Variants in SYT1 observed in about 807,000 individuals in gnomAD.
SYT1 encodes the protein synaptotagmin 1, also known as synaptotagmin-1.
Under a neutral mutation model 44.8 loss-of-function variants are expected in SYT1, and 8 were observed. The observed-to-expected ratio is 0.18, with a 90% CI of 0.10 to 0.32. The LOEUF is 0.32. Ranked by LOEUF, SYT1 falls within the 10% of genes least tolerant of loss-of-function variation. The probability of loss-of-function intolerance (pLI) is 1.00; values close to 1 mark genes in which losing one functional copy is unlikely to be tolerated. For synonymous variants in SYT1, 154 were observed against 188.8 expected, an observed-to-expected ratio of 0.82 and a Z score of 1.51; for missense variants, 286 against 509.3, an observed-to-expected ratio of 0.56 and a Z score of 4.22.
At chr12:78,977,035 A>G (rs1868890187) in intron 1 of SYT1, among the ~76,000 whole-genome samples, 1 of 152,136 alleles carries the variant, frequency 6.6e-6, no homozygotes, top group Admixed American at 6.5e-5. Flanking sequence ...AAGTAGATGA[A>G]TGCAATAGGG....
chr12:79,154,440 A>G (rs1474856257), intron 3 of SYT1, among the ~76,000 whole-genome samples: 2 of 151,168 alleles, frequency 1.3e-5, no homozygotes, highest in East Asian at 3.9e-4. Context: ...GATCTGAGGG[A>G]CAGAGAAGTT....
chr12:78,893,016 C>T (rs537862478), intron 1 of SYT1, among the ~76,000 whole-genome samples: 1 of 151,950 alleles, frequency 6.6e-6, no homozygotes, highest in East Asian at 1.9e-4. Context: ...AGTTGATCTA[C>T]TGCTGGCCTT....
At chr12:79,125,477 T>TTC (rs1355206917) in intron 3 of SYT1, among the ~76,000 whole-genome samples, 1 of 143,764 alleles carries the variant, frequency 7.0e-6, no homozygotes, top group African/African-American at 2.6e-5. Flanking sequence ...ATTAGCTGTG[T>TTC]GTAGAGGCTC....
intron 2 of SYT1, among the ~76,000 whole-genome samples, chr12:79,045,342 G>T (rs910875662): frequency 1.3e-5 from 2 of 152,138 alleles, no homozygotes; most frequent in East Asian, 1.9e-4. Context: ...TTTTTAAGCC[G>T]GTCGGAAAAG....
intron 3 of SYT1, among the ~76,000 whole-genome samples, chr12:79,129,447 A>G (rs1868662960): frequency 6.6e-6 from 1 of 152,246 alleles, no homozygotes; most frequent in Admixed American, 6.5e-5. Context: ...ATGAAAGAGC[A>G]CAGTCAAGCT....
At chr12:79,222,385 TTC>T (rs1875220988) in intron 4 of SYT1, among the ~76,000 whole-genome samples, 4 of 151,638 alleles carry the variant, frequency 2.6e-5, no homozygotes, top group Admixed American at 1.3e-4. Flanking sequence ...TACTTTTTTT[TTC>T]TTTTTTCTTT....
intron 8 of SYT1, among the ~76,000 whole-genome samples, chr12:79,343,084 T>C (rs1882451162): frequency 6.6e-6 from 1 of 152,174 alleles, no homozygotes; most frequent in Admixed American, 6.5e-5. Context: ...AATCATTGTA[T>C]TATAGAATCC....
chr12:79,355,591 A>T (rs941130119), intron 9 of SYT1, among the ~76,000 whole-genome samples: 2 of 152,222 alleles, frequency 1.3e-5, no homozygotes, highest in Non-Finnish European at 2.9e-5. Flanking sequence ...TTGAGTCTAC[A>T]TAATGTAGAT....
At chr12:79,294,518 T>A (rs1198740928) in intron 6 of SYT1, among the ~76,000 whole-genome samples, 2 of 152,140 alleles carry the variant, frequency 1.3e-5, no homozygotes, top group Non-Finnish European at 1.5e-5. Context: ...AATGTGATAT[T>A]TATCTCTTAG....
chr12:79,150,768 A>G (rs1187912600), intron 3 of SYT1, among the ~76,000 whole-genome samples: 1 of 152,188 alleles, frequency 6.6e-6, no homozygotes, highest in East Asian at 1.9e-4. Context: ...ATTGCTTAAG[A>G]TATTATATTG....
At chr12:79,252,798 A>C (rs1217397147) in intron 4 of SYT1, among the ~76,000 whole-genome samples, 1 of 152,166 alleles carries the variant, frequency 6.6e-6, no homozygotes, top group Non-Finnish European at 1.5e-5. Context: ...TATCCTGACT[A>C]ATACAGCCAC....
At chr12:79,155,140 A>T (rs907105613) in intron 3 of SYT1, among the ~76,000 whole-genome samples, 6 of 152,234 alleles carry the variant, frequency 3.9e-5, no homozygotes, top group Non-Finnish European at 8.8e-5. Flanking sequence ...AAACAGAAAA[A>T]TACATCTTGC....
intron 8 of SYT1, among the ~76,000 whole-genome samples, chr12:79,350,714 T>C (rs576084926): frequency 2.6e-5 from 4 of 152,280 alleles, no homozygotes; most frequent in Admixed American, 2.6e-4. Flanking sequence ...ATTTTCAAAC[T>C]TTTGGTAGAC....
At chr12:78,968,068 A>G (rs554129021) in intron 1 of SYT1, among the ~76,000 whole-genome samples, 31 of 152,260 alleles carry the variant, frequency 2.0e-4, no homozygotes, top group African/African-American at 7.5e-4. Flanking sequence ...ATATCTATAT[A>G]TGGAAGTAAA....
At chr12:79,276,487 C>G (rs573348184) in intron 4 of SYT1, among the ~76,000 whole-genome samples, 1 of 151,748 alleles carries the variant, frequency 6.6e-6, no homozygotes, top group Non-Finnish European at 1.5e-5. Context: ...ACCATCCTGG[C>G]CAACATGGTG....
chr12:79,308,569 GA>G (rs2138918545), intron 8 of SYT1, among the ~76,000 whole-genome samples: 6 of 134,704 alleles, frequency 4.5e-5, no homozygotes, highest in African/African-American at 1.4e-4. Context: ...GAAAGGAAAA[GA>G]AAGAAAAGAA....
chr12:79,224,889 T>C (rs796270856), intron 4 of SYT1, among the ~76,000 whole-genome samples: 1 of 151,600 alleles, frequency 6.6e-6, no homozygotes, highest in African/African-American at 2.4e-5. Flanking sequence ...AAGCGATTCT[T>C]CTGCCTCAGC....
chr12:78,932,511 A>C (rs746969340), intron 1 of SYT1, among the ~76,000 whole-genome samples: 17 of 152,212 alleles, frequency 1.1e-4, no homozygotes, highest in Non-Finnish European at 2.4e-4. Context: ...TATTGCAATG[A>C]GCTGTCAGTT....
chr12:79,091,413 A>C (rs1877768332), intron 3 of SYT1, among the ~76,000 whole-genome samples: 1 of 152,038 alleles, frequency 6.6e-6, no homozygotes, highest in African/African-American at 2.4e-5. Context: ...GAAAGACAAA[A>C]GTTAATAATT....
Sources: gnomAD v4.1 joint callset for allele counts (sites outside exome capture counted in the v4.1 genomes callset) on GRCh38, gnomAD v4.1.1 for gene constraint, MANE v1.5 for transcripts, NCBI Gene and HGNC (gene_info 2026-07-23, HGNC 2026-07-21) for gene names.